The following ARHGEF18 variants were observed in gnomAD, a reference collection of about 807,000 sequenced individuals.
ARHGEF18 encodes the protein Rho/Rac guanine nucleotide exchange factor 18, also known as rho guanine nucleotide exchange factor 18.
ARHGEF18 carries 93 observed loss-of-function variants against 155.7 expected under a neutral mutation model. The observed-to-expected ratio is 0.60, with a 90% CI of 0.50 to 0.71. The LOEUF (loss-of-function observed/expected upper bound fraction) is 0.71, where lower values mean the gene tolerates loss of function less well. Ranked by LOEUF, ARHGEF18 falls within the 30% of genes least tolerant of loss-of-function variation. The pLI, the probability that ARHGEF18 is intolerant of heterozygous loss-of-function variation, is 0.00. For missense variants in ARHGEF18, 1,593 were observed against 1,816.1 expected (o/e 0.88, Z 2.23); for synonymous variants, 742 against 753.1 (o/e 0.99, Z 0.24).
chr19:7,440,299 C>T lies in ARHGEF18; in HGVS notation c.968-45C>T, dbSNP rs554689879. The T allele has an allele frequency of 8.4e-5, 134 of 1,590,634 alleles. No homozygotes were observed. The highest frequency in any genetic ancestry group is 1.1e-4 in the Non-Finnish European group (125 of 1,169,124). ...TTCCGCGCCGGGGACCTCCGCTACC[C>T]GACCCACTTTCTCAGCACCAACTCT... On this transcript the variant is annotated intron_variant, in intron 10 of 28. Coordinates refer to ENST00000668164, the MANE Select transcript of ARHGEF18 (RefSeq NM_001367823.1). This position sits in a 1 kb window ranked among gnomAD's most constrained non-coding sequence, Gnocchi z 5.4.
chr19:7,387,062 C>T (rs904797057), intron 10 of ARHGEF18, among the ~76,000 whole-genome samples: 1 of 152,102 alleles, frequency 6.6e-6, no homozygotes. Context: ...GATCTCCAAC[C>T]AGAACATGCG....
Position 7,452,400 on chromosome 19 carries a change from C to T in ARHGEF18, c.1856-1067C>T, listed in dbSNP as rs919707296. On this transcript the variant is annotated intron_variant, in intron 16 of 28. Coordinates refer to ENST00000668164, the MANE Select transcript of ARHGEF18 (RefSeq NM_001367823.1). The stretch of plus-strand genomic sequence containing the variant: ...AATTTCCCCACTATAAAAGCCACAT[C>T]CTTGGAGTGGGAAGAGCCAGATCCC... 5.3e-5 allele frequency among the ~76,000 whole-genome samples: 8 copies of T among 152,294 alleles called. No individual in the cohort carries two copies. The South Asian group carries it at 1.4e-3, about 28-fold the overall frequency.
chr19:7,402,481 A>G (rs1002038919), intron 10 of ARHGEF18, among the ~76,000 whole-genome samples: 1 of 152,194 alleles, frequency 6.6e-6, no homozygotes, highest in Non-Finnish European at 1.5e-5. Flanking sequence ...CTCTGTGAAC[A>G]TACTAAGAAC....
chr19:7,445,521 G>A lies in ARHGEF18; in HGVS notation c.1611+1067G>A, dbSNP rs114970660. ...GTATTAACCCCAAATGATCACCCTA[G>A]GCCAAGATTTACCCAGGGGAGCTGT... is the stretch of plus-strand genomic sequence containing the variant. On this transcript the variant is annotated intron_variant, in intron 14 of 28. Coordinates refer to ENST00000668164, the MANE Select transcript of ARHGEF18 (RefSeq NM_001367823.1). Among the ~76,000 whole-genome samples, 183 of 152,226 alleles carry A rather than the reference G, an allele frequency of 1.2e-3. 1 individual carries two copies. The highest frequency in any genetic ancestry group is 4.3e-3 in the African/African-American group (179 of 41,536).
chr19:7,354,680 G>A (rs938322016), intron 1 of ARHGEF18, among the ~76,000 whole-genome samples: 3 of 144,022 alleles, frequency 2.1e-5, no homozygotes, highest in African/African-American at 2.5e-5. Context: ...CAGGAGGATC[G>A]CTTGTGCCTG....
At chr19:7,380,293 ATG>A (rs1970666517) in intron 7 of ARHGEF18, among the ~76,000 whole-genome samples, 1 of 151,794 alleles carries the variant, frequency 6.6e-6, no homozygotes, top group Admixed American at 6.6e-5. Context: ...CCTGACTAAC[ATG>A]GTGAAACCCC....
intron 23 of ARHGEF18, among the ~76,000 whole-genome samples, chr19:7,464,902 G>C (rs371748147): frequency 8.5e-5 from 13 of 152,344 alleles, no homozygotes; most frequent in East Asian, 5.8e-4. Flanking sequence ...AGGTCCCCAA[G>C]AGGAAGGCTG....
intron 9 of ARHGEF18, 84 bp downstream of exon 9, chr19:7,382,978 G>A (rs1265589799): frequency 3.2e-6 from 4 of 1,232,310 alleles, no homozygotes; most frequent in Admixed American, 4.2e-5. Context: ...CTGTGACTGG[G>A]GCTGGTGGTG....
rs146355708 is a variant in ARHGEF18, at chr19:7,469,802, G to A, written c.3788-102G>A. ...GGGATCCAGGCCGCCCGTGGGAAGT[G>A]TCAGGTGGGGGTGGCCAGGCCCCTC... On this transcript the variant is annotated intron_variant, in intron 27 of 28. Transcript: ENST00000668164. The A allele has an allele frequency of 9.0e-5, 129 of 1,425,562 alleles. No homozygotes were observed. The African/African-American group carries it at 1.5e-3, about 16-fold the overall frequency. 88.3% of individuals were successfully genotyped at this position (1,425,562 alleles called of 1,614,324 possible).
chr19:7,399,574 G>A (rs140824333), intron 10 of ARHGEF18, among the ~76,000 whole-genome samples: 2,707 of 151,202 alleles, frequency 0.018, 85 homozygotes, highest in African/African-American at 0.062. Flanking sequence ...CTCCACCTCC[G>A]GGTTCACGCC....
At chr19:7,354,390 AT>A (rs1969231862) in intron 1 of ARHGEF18, among the ~76,000 whole-genome samples, 1 of 151,534 alleles carries the variant, frequency 6.6e-6, no homozygotes, top group South Asian at 2.1e-4. Context: ...GCTGGGGGTG[AT>A]TTGGGGCTGG....
intron 10 of ARHGEF18, among the ~76,000 whole-genome samples, chr19:7,420,046 C>T (rs1973261847): frequency 6.6e-6 from 1 of 152,128 alleles, no homozygotes; most frequent in African/African-American, 2.4e-5. Flanking sequence ...AGCCCCCACA[C>T]TCACGCTAAG....
chr19:7,368,950 A>G (rs565882148), intron 2 of ARHGEF18, among the ~76,000 whole-genome samples: 38 of 152,190 alleles, frequency 2.5e-4, no homozygotes, highest in African/African-American at 9.2e-4. Flanking sequence ...CAGCAGGGAG[A>G]AGGGAGGGAA....
At chr19:7,361,087 T>C (rs1450674184) in intron 1 of ARHGEF18, among the ~76,000 whole-genome samples, 1 of 152,178 alleles carries the variant, frequency 6.6e-6, no homozygotes, top group Non-Finnish European at 1.5e-5. Flanking sequence ...CAAAAAACTT[T>C]TTAGGAACAG....
Position 7,444,466 on chromosome 19 carries a change from CG to C in ARHGEF18, c.1611+13del. Reference sequence around the variant, plus strand: ...TCCTGGTTCAGCAGGTGGGTGCAGCCGTGTTCATCTCAACAGTCTTCAAAGC... The same window carrying C: ...TCCTGGTTCAGCAGGTGGGTGCAGCCTGTTCATCTCAACAGTCTTCAAAGC... On this transcript the variant is annotated intron_variant, in intron 14 of 28. Transcript: ENST00000668164. The surrounding 1 kb of genome is among the most constrained non-coding windows in gnomAD (Gnocchi z 4.7). The C allele has an allele frequency of 6.2e-7, 1 of 1,611,790 alleles. No individual in the cohort carries two copies. The highest frequency in any genetic ancestry group is 8.5e-7 in the Non-Finnish European group (1 of 1,178,862).
At chr19:7,402,641 G>T (rs1018409765) in intron 10 of ARHGEF18, among the ~76,000 whole-genome samples, 3 of 152,152 alleles carry the variant, frequency 2.0e-5, no homozygotes, top group African/African-American at 7.2e-5. Flanking sequence ...AGACTGAGTG[G>T]CAGGAAGACT....
chr19:7,410,385 T>G (rs1972602362), intron 10 of ARHGEF18, among the ~76,000 whole-genome samples: 1 of 152,038 alleles, frequency 6.6e-6, no homozygotes, highest in Non-Finnish European at 1.5e-5. Context: ...GCTTGAAATA[T>G]ATATATATAT....
In ARHGEF18 at chr19:7,440,072, C is replaced by CGCGCCGGGTCCCGGA. The variant is rs1473734830; in HGVS notation, c.968-269_968-255dup. The CGCGCCGGGTCCCGGA allele has an allele frequency of 6.5e-7, 1 of 1,550,342 alleles. No homozygotes were observed. The highest frequency in any genetic ancestry group is 1.4e-5 in the African/African-American group (1 of 72,996). ...AAAACGGCGCAGCCCAGCCTGGCGC[C>CGCGCCGGGTCCCGGA]GCGCCGGGTCCCGGAGCCCCGGGCG... On this transcript the variant is annotated intron_variant, in intron 10 of 28. Transcript: ENST00000668164. This position sits in a 1 kb window ranked among gnomAD's most constrained non-coding sequence, Gnocchi z 5.4.
At chr19:7,478,908 G>C in the ARHGEF18 span, among the ~76,000 whole-genome samples, 2 of 152,200 alleles carry the variant, frequency 1.3e-5, no homozygotes, top group Non-Finnish European at 2.9e-5. Flanking sequence ...GCAGGCTGAG[G>C]AAGGGGCTAC....
Sources: allele counts gnomAD v4.1 joint callset (sites outside exome capture counted in the v4.1 genomes callset), GRCh38; gene constraint gnomAD v4.1.1; non-coding constraint Gnocchi (gnomAD v3.1); transcripts MANE v1.5; gene names NCBI Gene and HGNC (gene_info 2026-07-23, HGNC 2026-07-21).